The following ATP6V0A1 variants were observed in gnomAD, a reference collection of about 807,000 sequenced individuals.
The protein encoded by ATP6V0A1 is V-type proton ATPase 116 kDa subunit a 1.
ATP6V0A1 carries 43 observed loss-of-function variants against 105.4 expected under a neutral mutation model. The observed-to-expected ratio is 0.41, with a 90% CI of 0.32 to 0.53. ATP6V0A1 has a LOEUF of 0.53. Among genes scored for constraint, ATP6V0A1 ranks in the 20% least tolerant of loss-of-function variants. The pLI is 0.30. For synonymous variants in ATP6V0A1, 362 were observed against 372.8 expected, an observed-to-expected ratio of 0.97 and a Z score of 0.33; for missense variants, 676 against 1,051.1, an observed-to-expected ratio of 0.64 and a Z score of 4.93.
intron 21 of ATP6V0A1, chr17:42,520,569 TTC>T (rs1409789606): frequency 2.2e-6 from 1 of 456,816 alleles, no homozygotes; most frequent in Non-Finnish European, 4.4e-6. Context: ...GCCTTCAACA[TTC>T]ACTCCAAGCT....
intron 17 of ATP6V0A1, among the ~76,000 whole-genome samples, chr17:42,505,213 G>A (rs1031604856): frequency 4.0e-5 from 6 of 149,044 alleles, no homozygotes; most frequent in Non-Finnish European, 7.5e-5. Context: ...TTTTTGTTTT[G>A]TTTTGTTTTT....
chr17:42,516,367 G>A (rs1023546050), intron 21 of ATP6V0A1, among the ~76,000 whole-genome samples: 2 of 152,130 alleles, frequency 1.3e-5, no homozygotes, highest in African/African-American at 4.8e-5. Flanking sequence ...AAGCCCTGCT[G>A]CGTCAGTAGA....
chr17:42,463,885 A>G (rs1287617698), intron 2 of ATP6V0A1, among the ~76,000 whole-genome samples: 1 of 152,226 alleles, frequency 6.6e-6, no homozygotes, highest in Non-Finnish European at 1.5e-5. Flanking sequence ...AAAGTAAGCT[A>G]GAGAAAAGAA....
At chr17:42,490,710 A>G in intron 11 of ATP6V0A1, 73 bp downstream of exon 11, 2 of 1,484,648 alleles carry the variant, frequency 1.3e-6, no homozygotes, top group East Asian at 2.3e-5. Context: ...TTGTTTTGAG[A>G]CAGAGTCTCC....
At chr17:42,461,631 C>T (rs2145600017) in intron 2 of ATP6V0A1, among the ~76,000 whole-genome samples, 1 of 152,210 alleles carries the variant, frequency 6.6e-6, no homozygotes, top group Admixed American at 6.5e-5. Flanking sequence ...AAAAAATTAG[C>T]ATGGTGGCGC....
At chr17:42,484,493 G>A (rs960872133) in intron 9 of ATP6V0A1, among the ~76,000 whole-genome samples, 9 of 152,134 alleles carry the variant, frequency 5.9e-5, no homozygotes, top group African/African-American at 1.9e-4. Flanking sequence ...CCAATAGCTC[G>A]GCATGCATCC....
At chr17:42,461,832 A>G (rs755488230) in intron 2 of ATP6V0A1, among the ~76,000 whole-genome samples, 1 of 151,968 alleles carries the variant, frequency 6.6e-6, no homozygotes, top group Non-Finnish European at 1.5e-5. Context: ...ATCTGGTCCT[A>G]TGTTGTCCCT....
intron 9 of ATP6V0A1, among the ~76,000 whole-genome samples, chr17:42,485,420 A>G (rs1374131063): frequency 6.6e-6 from 1 of 152,230 alleles, no homozygotes; most frequent in African/African-American, 2.4e-5. Flanking sequence ...GTAGGAACTG[A>G]AAGTTTAAAA....
intron 17 of ATP6V0A1, among the ~76,000 whole-genome samples, chr17:42,502,564 C>G (rs985927397): frequency 3.3e-5 from 5 of 152,136 alleles, no homozygotes; most frequent in Admixed American, 6.5e-5. Context: ...TTCTGGGTAT[C>G]CAATAGCACT....
Position 42,464,039 on chromosome 17 carries a change from C to T in ATP6V0A1, c.118-2390C>T, listed in dbSNP as rs374724308. Among the ~76,000 whole-genome samples the T allele has an allele frequency of 1.6e-4, 25 of 152,140 alleles. 1 individual carries two copies. The South Asian group carries it at 2.7e-3, about 16-fold the overall frequency. On this transcript the variant is annotated intron_variant, in intron 2 of 21. Coordinates refer to ENST00000343619, the MANE Select transcript of ATP6V0A1 (RefSeq NM_001130021.3). ...GTTGGTCTTACTGTCTCAGGCTGGC[C>T]GAGGTGGAGGAAAATCTGTGTGTTA...
intron 2 of ATP6V0A1, among the ~76,000 whole-genome samples, chr17:42,465,206 C>CTGGT (rs1245320339): frequency 6.6e-6 from 1 of 151,618 alleles, no homozygotes. Context: ...GTTGTCCAGG[C>CTGGT]TGGTCTCAAA....
chr17:42,485,897 A>G (rs774321621), intron 9 of ATP6V0A1, among the ~76,000 whole-genome samples: 11 of 152,196 alleles, frequency 7.2e-5, no homozygotes, highest in Non-Finnish European at 1.3e-4. Context: ...GCTATCTTCA[A>G]GTGATGTGTT....
Position 42,521,195 on chromosome 17 carries a change from T to G in ATP6V0A1, c.*75T>G. 4 of 1,343,914 alleles carry G rather than the reference T, an allele frequency of 3.0e-6. No individual in the cohort carries two copies. The highest frequency in any genetic ancestry group is 2.0e-6 in the Non-Finnish European group (2 of 980,970). 83.2% of individuals were successfully genotyped at this position (1,343,914 alleles called of 1,614,324 possible). ...CAGTGATCAGCTGTGCCTCTCTGCC[T>G]GTTGGTTGTGATCTGTGGGCACCAG... On this transcript the variant is annotated 3_prime_UTR_variant, in exon 22 of 22. Transcript: ENST00000343619. The surrounding 1 kb of genome is among the most constrained non-coding windows in gnomAD (Gnocchi z 4.8).
intron 19 of ATP6V0A1, among the ~76,000 whole-genome samples, chr17:42,512,191 C>T (rs2146275399): frequency 2.0e-5 from 3 of 152,314 alleles, no homozygotes; most frequent in Admixed American, 2.0e-4. Flanking sequence ...CTGGATTTCT[C>T]ACCCAGTCCT....
At position 42,522,576 on chromosome 17, in the gene ATP6V0A1, C is replaced by T. The variant is rs76115581; in HGVS notation, c.*1456C>T. ...TTGAATAAAGTATGTTTGACTTCCC[C>T]GGAGAAGCTGCCTGTCACTGTGCCC... is the stretch of plus-strand genomic sequence containing the variant. On this transcript the variant is annotated 3_prime_UTR_variant, in exon 22 of 22. Transcript: ENST00000343619. The T allele has an allele frequency of 0.013, 1,990 of 152,668 alleles. 50 individuals are homozygous for T. The highest frequency in any genetic ancestry group is 0.046 in the African/African-American group (1,913 of 41,554). The allele number at this position is 152,668 out of a possible 1,614,324, so 9.5% of individuals were successfully genotyped here. A position where few individuals can be genotyped will look rare whatever the true frequency, so the allele number is the denominator to read the frequency against.
chr17:42,465,084 C>A (rs1411693746), intron 2 of ATP6V0A1, among the ~76,000 whole-genome samples: 1 of 152,040 alleles, frequency 6.6e-6, no homozygotes, highest in East Asian at 1.9e-4. Flanking sequence ...CCTCTCCCTC[C>A]CAGGTTCAAT....
intron 19 of ATP6V0A1, among the ~76,000 whole-genome samples, chr17:42,512,135 C>T (rs562611370): frequency 1.3e-5 from 2 of 152,168 alleles, no homozygotes; most frequent in East Asian, 1.9e-4. Context: ...TGGTCATGGC[C>T]GATTGATACG....
At chr17:42,491,298 TTTTAA>T (rs1396042318) in intron 11 of ATP6V0A1, among the ~76,000 whole-genome samples, 1 of 152,134 alleles carries the variant, frequency 6.6e-6, no homozygotes, top group East Asian at 1.9e-4. Flanking sequence ...AGCACTGTTT[TTTTAA>T]TTTAATTTTA....
chr17:42,495,373 T>A (rs1051858290), intron 13 of ATP6V0A1, among the ~76,000 whole-genome samples, 185 bp downstream of exon 13: 1 of 142,796 alleles, frequency 7.0e-6, no homozygotes, highest in Admixed American at 7.0e-5. Flanking sequence ...TTAGAAATGA[T>A]TTTTTTTTTT....
Sources: gnomAD v4.1 joint callset for allele counts (sites outside exome capture counted in the v4.1 genomes callset) on GRCh38, gnomAD v4.1.1 for gene constraint, Gnocchi (gnomAD v3.1) non-coding constraint, MANE v1.5 for transcripts, NCBI Gene and HGNC (gene_info 2026-07-23, HGNC 2026-07-21) for gene names.